The following CDK11B variants were observed in gnomAD, a reference collection of about 807,000 sequenced individuals.
CDK11B encodes the protein cyclin dependent kinase 11B, also known as cyclin-dependent kinase 11B.
A neutral mutation model predicts 84.0 loss-of-function variants in CDK11B; 37 were observed. The observed-to-expected ratio is 0.44, with a 90% CI of 0.34 to 0.58. The LOEUF is 0.58. Among genes scored for constraint, CDK11B ranks in the 20% least tolerant of loss-of-function variants. The probability of loss-of-function intolerance (pLI) is 0.02; values close to 1 mark genes in which losing one functional copy is unlikely to be tolerated. For synonymous variants in CDK11B, 269 were observed against 309.8 expected (o/e 0.87, Z 1.38); for missense variants, 427 against 834.0 (o/e 0.51, Z 6.01).
chr1:1,656,840 T>C (rs1642820263), intron 2 of CDK11B, among the ~76,000 whole-genome samples: 1 of 152,338 alleles, frequency 6.6e-6, no homozygotes, highest in Non-Finnish European at 1.5e-5. Flanking sequence ...AAAATTTCAA[T>C]ATCTGTGAAG....
Position 1,637,075 on chromosome 1 carries a change from G to T in CDK11B, c.1692+6C>A, listed in dbSNP as rs1557658008. The T allele has an allele frequency of 2.5e-6, 4 of 1,613,556 alleles. No individual in the cohort carries two copies. The highest frequency in any genetic ancestry group is 3.4e-6 in the Non-Finnish European group (4 of 1,179,832). ...CCTGGGATGGGCCACTCGGAGGGGG[G>T]CTCACCTTGAGGATGCCGGCGTGGC... On this transcript the variant is annotated splice_donor_region_variant and intron_variant, in intron 15 of 19. Coordinates refer to ENST00000341832, the MANE Select transcript of CDK11B (RefSeq NM_033486.3).
chr1:1,650,614 C>G (rs1401234181), intron 4 of CDK11B, among the ~76,000 whole-genome samples: 2 of 150,564 alleles, frequency 1.3e-5, no homozygotes, highest in Non-Finnish European at 3.0e-5. Flanking sequence ...ATCTGCCGGC[C>G]TCGGCCTCCC....
chr1:1,651,105 G>A (rs1641947981), intron 4 of CDK11B, among the ~76,000 whole-genome samples: 2 of 152,134 alleles, frequency 1.3e-5, no homozygotes, highest in African/African-American at 2.4e-5. Context: ...TCGGGCTCCA[G>A]GTCCAATTTT....
chr1:1,636,855 T>C lies in CDK11B; in HGVS notation c.1800+42A>G, dbSNP rs1024128723. On this transcript the variant is annotated intron_variant, in intron 16 of 19. Coordinates refer to ENST00000341832, the MANE Select transcript of CDK11B (RefSeq NM_033486.3). ...CAGTGCCCGCGAAGCTGTGGGAGGCTGCGTGGGGGACAGGGGAGGCACTCA... is the reference window on the plus strand; with the variant it reads ...CAGTGCCCGCGAAGCTGTGGGAGGCCGCGTGGGGGACAGGGGAGGCACTCA... The C allele has an allele frequency of 8.7e-6, 14 of 1,612,332 alleles. No homozygotes were observed. The African/African-American group carries it at 1.7e-4, about 20-fold the overall frequency.
At chr1:1,639,681 A>C (rs1349003718) in intron 11 of CDK11B, among the ~76,000 whole-genome samples, 1 of 151,908 alleles carries the variant, frequency 6.6e-6, no homozygotes, top group Non-Finnish European at 1.5e-5. Context: ...GGCCTGCTGC[A>C]TGCGCCAGAG....
chr1:1,655,249 C>T (rs1308105800), intron 3 of CDK11B, 120 bp downstream of exon 3: 24 of 1,268,552 alleles, frequency 1.9e-5, no homozygotes, highest in Non-Finnish European at 2.5e-5. Context: ...CACAGTAACT[C>T]TAGGAAAGAG....
chr1:1,652,026 C>T (rs1642084861), intron 4 of CDK11B, among the ~76,000 whole-genome samples: 1 of 152,004 alleles, frequency 6.6e-6, no homozygotes, highest in African/African-American at 2.4e-5. Flanking sequence ...TTTGCTCTCT[C>T]TGGTTTTTGG....
intron 2 of CDK11B, among the ~76,000 whole-genome samples, chr1:1,656,776 A>T (rs1642812481): frequency 6.6e-6 from 1 of 152,244 alleles, no homozygotes; most frequent in Admixed American, 6.5e-5. Context: ...CAAAGTGAGC[A>T]CATGCTATTG....
chr1:1,658,168 AAG>A (rs1553120961), intron 1 of CDK11B, among the ~76,000 whole-genome samples: 2 of 149,434 alleles, frequency 1.3e-5, no homozygotes, highest in African/African-American at 5.1e-5. Flanking sequence ...TCAAAAAAAA[AAG>A]AAAAAAAAAC....
chr1:1,636,843 G>A (rs775536939), intron 16 of CDK11B, 45 bp from the exon 17 acceptor site: 2 of 1,612,866 alleles, frequency 1.2e-6, no homozygotes, highest in South Asian at 2.2e-5. Flanking sequence ...TGCCCGCGAA[G>A]CTGTGGGAGG....
At chr1:1,639,925 C>T (rs1388921992) in intron 11 of CDK11B, among the ~76,000 whole-genome samples, 1 of 151,656 alleles carries the variant, frequency 6.6e-6, no homozygotes, top group Non-Finnish European at 1.5e-5. Flanking sequence ...GCCTTGGTGC[C>T]TACATAACCC....
chr1:1,648,832 T>A (rs1169075332), intron 5 of CDK11B, among the ~76,000 whole-genome samples: 1 of 151,860 alleles, frequency 6.6e-6, no homozygotes, highest in Non-Finnish European at 1.5e-5. Context: ...TGCAATAGCA[T>A]GGTCATAGCT....
Position 1,636,793 on chromosome 1 carries a change from G to A in CDK11B, c.1806C>T (p.Tyr602=), listed in dbSNP as rs776784906. The A allele has an allele frequency of 3.7e-6, 6 of 1,613,900 alleles. No homozygotes were observed. Among genetic ancestry groups the A allele is most frequent in the South Asian group, 2.2e-5 (2 of 91,084 alleles). The change falls in exon 17 of 20, where the codon TAC becomes TAT. Residue 602 remains tyrosine, a synonymous_variant. Coordinates refer to ENST00000341832, the MANE Select transcript of CDK11B (RefSeq NM_033486.3). ...APELLLGAKE[Y]STAVDMWSVG... is the part of the protein sequence containing the mutation. ...CTGACCACATGTCCACGGCCGTGGA[G>A]TATTCCTAAGAGGTCAGGAGAGGTG... is the stretch of plus-strand genomic sequence containing the variant.
At chr1:1,639,262 A>C (rs567632787) in intron 11 of CDK11B, among the ~76,000 whole-genome samples, 2 of 151,834 alleles carry the variant, frequency 1.3e-5, no homozygotes, top group South Asian at 4.2e-4. Context: ...CTACAAAATA[A>C]AAAAATTAGC....
chr1:1,638,026 G>A, intron 12 of CDK11B, 143 bp from the exon 13 acceptor site: 1 of 1,445,074 alleles, frequency 6.9e-7, no homozygotes, highest in Non-Finnish European at 9.4e-7. Flanking sequence ...GGGGCACGTG[G>A]GCACCAGGAG....
intron 2 of CDK11B, among the ~76,000 whole-genome samples, chr1:1,656,199 G>C (rs1195064385): frequency 6.6e-6 from 1 of 151,894 alleles, no homozygotes; most frequent in Non-Finnish European, 1.5e-5. Context: ...ATAAAAGTTT[G>C]GTTTAGGTCA....
chr1:1,637,604 T>C, intron 13 of CDK11B, 91 bp from the exon 14 acceptor site: 1 of 1,608,946 alleles, frequency 6.2e-7, no homozygotes. Context: ...AGTAAGGACC[T>C]CCGGTGCCAC....
intron 3 of CDK11B, 98 bp from the exon 4 acceptor site, chr1:1,652,664 C>A: frequency 1.2e-6 from 1 of 824,066 alleles, no homozygotes; most frequent in South Asian, 3.8e-5. Context: ...ATGCATGATT[C>A]AGACAGGAAC....
intron 11 of CDK11B, among the ~76,000 whole-genome samples, 184 bp downstream of exon 11, chr1:1,640,093 T>C (rs1482144814): frequency 6.6e-6 from 1 of 151,588 alleles, no homozygotes; most frequent in South Asian, 2.1e-4. Flanking sequence ...CCGTCCAGCA[T>C]GAGAAAGAGG....
Sources: gnomAD v4.1 joint callset for allele counts (sites outside exome capture counted in the v4.1 genomes callset) on GRCh38, gnomAD v4.1.1 for gene constraint, MANE v1.5 for transcripts, NCBI Gene and HGNC (gene_info 2026-07-23, HGNC 2026-07-21) for gene names.